ASIP: variants seen among roughly 807,000 people sequenced by gnomAD.
ASIP encodes agouti-signaling protein.
A neutral mutation model predicts 10.3 loss-of-function variants in ASIP; 11 were observed. The observed-to-expected ratio is 1.07, with a 90% CI of 0.68 to 1.78. The LOEUF is 1.78. ASIP is among the 40% of genes most tolerant of loss of function. The pLI is 0.00. For missense variants in ASIP, 180 were observed against 169.2 expected, an observed-to-expected ratio of 1.06 and a Z score of -0.35; for synonymous variants, 70 against 70.8, an observed-to-expected ratio of 0.99 and a Z score of 0.06.
At chr20:34,260,625 T>A in intron 2 of ASIP, 91 bp downstream of exon 2, 1 of 1,341,842 alleles carries the variant, frequency 7.5e-7, no homozygotes, top group Admixed American at 2.2e-5. Context: ...TCCACCGCCA[T>A]GGTCACGGCT....
chr20:34,224,198 C>T (rs1407999256), intron 1 of ASIP, among the ~76,000 whole-genome samples: 2 of 150,096 alleles, frequency 1.3e-5, no homozygotes, highest in African/African-American at 4.9e-5. Flanking sequence ...CTGTGAGAAA[C>T]ACCCAAGAAT....
intron 1 of ASIP, among the ~76,000 whole-genome samples, chr20:34,226,435 T>A (rs554429035): frequency 1.8e-4 from 27 of 152,214 alleles, no homozygotes; most frequent in African/African-American, 6.3e-4. Context: ...TCACTGCAAC[T>A]TCTGCCTCCT....
At chr20:34,242,191 A>T (rs143806967) in intron 1 of ASIP, among the ~76,000 whole-genome samples, 5 of 151,504 alleles carry the variant, frequency 3.3e-5, no homozygotes, top group African/African-American at 7.2e-5. Flanking sequence ...CCTTTTTAAA[A>T]TTTTTATTTT....
In ASIP at chr20:34,215,364, C is replaced by T. The variant is rs2035000567; in HGVS notation, c.-11+20604C>T. 5 of 1,572,872 alleles carry T rather than the reference C, an allele frequency of 3.2e-6. No individual in the cohort carries two copies. The South Asian group carries it at 5.6e-5, about 18-fold the overall frequency. On this transcript the variant is annotated intron_variant, in intron 1 of 3. Transcript: ENST00000568305. ...CCACCAGATTTGGAATGCACTGTTC[C>T]CTCATGGTATCTTTTATGAGAGTAT... is the stretch of plus-strand genomic sequence containing the variant.
chr20:34,189,965 G>A (rs1040341865), upstream of ASIP, among the ~76,000 whole-genome samples: 4 of 152,218 alleles, frequency 2.6e-5, no homozygotes, highest in Non-Finnish European at 5.9e-5. Flanking sequence ...GAGGCAGGCA[G>A]GCTGCATCTG....
chr20:34,190,146 C>T (rs1449954256), upstream of ASIP, among the ~76,000 whole-genome samples: 2 of 152,312 alleles, frequency 1.3e-5, no homozygotes, highest in East Asian at 1.9e-4. Flanking sequence ...GGGCTTCAAG[C>T]CTACCATTGG....
intron 1 of ASIP, chr20:34,214,365 A>T: frequency 7.6e-7 from 1 of 1,321,912 alleles, no homozygotes; most frequent in African/African-American, 1.4e-5. Context: ...GAAGAACTCC[A>T]ACGTCACAGA....
rs543375392 is a variant in ASIP at position 34,196,181 on chromosome 20, T to C, written c.-11+1421T>C. On this transcript the variant is annotated intron_variant, in intron 1 of 3. Transcript: ENST00000568305. Reference sequence around the variant, plus strand: ...ATTGAAAAGGGAGATTTCTTTTTTTTTTTTTTTTTTTTTTTTGAGACGGAA... The same window carrying C: ...ATTGAAAAGGGAGATTTCTTTTTTTCTTTTTTTTTTTTTTTTGAGACGGAA... 1.0e-3 allele frequency among the ~76,000 whole-genome samples: 144 copies of C among 143,422 alleles called. 2 individuals are homozygous for C. Among genetic ancestry groups the C allele is most frequent in the African/African-American group, 3.7e-3 (139 of 37,836 alleles). The allele number at this position is 143,422 out of a possible 152,430, so 94.1% of individuals were successfully genotyped here.
chr20:34,233,746 A>G (rs1195236245), intron 1 of ASIP, among the ~76,000 whole-genome samples: 1 of 152,212 alleles, frequency 6.6e-6, no homozygotes, highest in Admixed American at 6.5e-5. Flanking sequence ...GAAAGCCAAA[A>G]TCATGACACA....
chr20:34,240,724 A>G (rs180686288), upstream of ASIP, among the ~76,000 whole-genome samples: 17 of 152,304 alleles, frequency 1.1e-4, no homozygotes, highest in Non-Finnish European at 2.1e-4. Context: ...GGTTAACTCA[A>G]TTAGACTGTT....
intron 1 of ASIP, among the ~76,000 whole-genome samples, chr20:34,242,630 C>A (rs1313001891): frequency 6.6e-6 from 1 of 152,230 alleles, no homozygotes; most frequent in African/African-American, 2.4e-5. Context: ...AAAACACTTT[C>A]ATAAATGTCT....
At chr20:34,205,242 G>C (rs1361209219) in intron 1 of ASIP, among the ~76,000 whole-genome samples, 1 of 152,208 alleles carries the variant, frequency 6.6e-6, no homozygotes, top group African/African-American at 2.4e-5. Context: ...CAGGAGTGAA[G>C]CTGCAGACCT....
At chr20:34,199,031 GT>G (rs1037684686) in intron 1 of ASIP, among the ~76,000 whole-genome samples, 5 of 152,168 alleles carry the variant, frequency 3.3e-5, no homozygotes, top group African/African-American at 1.2e-4. Context: ...GTGTGTAGGT[GT>G]TTTTATGCGT....
upstream of ASIP, among the ~76,000 whole-genome samples, chr20:34,191,666 C>T (rs939857109): frequency 6.6e-6 from 1 of 151,804 alleles, no homozygotes; most frequent in African/African-American, 2.4e-5. Flanking sequence ...TTTCTTTCTT[C>T]GCTTTATTTC....
chr20:34,214,063 A>G (rs1431850609), intron 1 of ASIP: 12 of 1,254,144 alleles, frequency 9.6e-6, no homozygotes, highest in African/African-American at 1.5e-5. Flanking sequence ...AACAATCATC[A>G]CTCCAACTGT....
chr20:34,238,115 C>A (rs772018672), upstream of ASIP, among the ~76,000 whole-genome samples: 2 of 152,116 alleles, frequency 1.3e-5, no homozygotes, highest in Non-Finnish European at 2.9e-5. Context: ...TATACCGTAT[C>A]TTTGTGTGGA....
chr20:34,203,275 T>C (rs1041468837), intron 1 of ASIP, among the ~76,000 whole-genome samples: 54 of 152,108 alleles, frequency 3.6e-4, no homozygotes, highest in African/African-American at 1.1e-3. Flanking sequence ...CCTTCACTAG[T>C]TGAAGTCTTA....
intron 3 of ASIP, among the ~76,000 whole-genome samples, chr20:34,265,685 C>T (rs1221985288): frequency 6.6e-6 from 1 of 152,156 alleles, no homozygotes; most frequent in Non-Finnish European, 1.5e-5. Flanking sequence ...CACAGTGGCT[C>T]ACACCTGTAA....
At chr20:34,197,559 G>A (rs1327668894) in intron 1 of ASIP, among the ~76,000 whole-genome samples, 1 of 152,186 alleles carries the variant, frequency 6.6e-6, no homozygotes, top group East Asian at 1.9e-4. Flanking sequence ...TGTGCATCCA[G>A]GGAAGTGTAC....
Sources: gnomAD v4.1 joint callset for allele counts (sites outside exome capture counted in the v4.1 genomes callset) on GRCh38, gnomAD v4.1.1 for gene constraint, MANE v1.5 for transcripts, NCBI Gene and HGNC (gene_info 2026-07-23, HGNC 2026-07-21) for gene names.